Variants in SPAG16 observed in about 807,000 individuals in gnomAD.
SPAG16 encodes the protein sperm associated antigen 16, also known as sperm-associated antigen 16 protein.
SPAG16 carries 86 observed loss-of-function variants against 80.4 expected under a neutral mutation model. The observed-to-expected ratio is 1.07, with a 90% CI of 0.90 to 1.28. The LOEUF is 1.28. Ranked by LOEUF, SPAG16 falls within the 50% of genes most tolerant of loss-of-function variation. The probability of loss-of-function intolerance (pLI) is 0.00; values close to 1 mark genes in which losing one functional copy is unlikely to be tolerated. For synonymous variants in SPAG16, 294 were observed against 265.9 expected (o/e 1.11, Z -1.03); for missense variants, 870 against 765.3 (o/e 1.14, Z -1.61).
rs573591571 is a variant in SPAG16 at position 213,307,502 on chromosome 2, A to G, written c.280-2557A>G. On this transcript the variant is annotated intron_variant, in intron 3 of 15. Coordinates refer to ENST00000331683, the MANE Select transcript of SPAG16 (RefSeq NM_024532.5). ...TAGTTTACTGAGAATGATGATTTCCAATTTCATCCATGTCCCTACAAAGGA... is the reference window on the plus strand; with the variant it reads ...TAGTTTACTGAGAATGATGATTTCCGATTTCATCCATGTCCCTACAAAGGA... Among the ~76,000 whole-genome samples, 845 of 141,524 alleles carry G rather than the reference A, an allele frequency of 6.0e-3. 6 individuals are homozygous for G. Among genetic ancestry groups the G allele is most frequent in the Admixed American group, 9.6e-3 (134 of 13,912 alleles). The allele number at this position is 141,524 out of a possible 152,430, so 92.8% of individuals were successfully genotyped here. A position where few individuals can be genotyped will look rare whatever the true frequency, so the allele number is the denominator to read the frequency against.
At chr2:213,945,525 G>T (rs1270483289) in intron 12 of SPAG16, among the ~76,000 whole-genome samples, 1 of 152,000 alleles carries the variant, frequency 6.6e-6, no homozygotes, top group African/African-American at 2.4e-5. Context: ...GGCTAGGCCA[G>T]TCTCGACTTT....
intron 9 of SPAG16, among the ~76,000 whole-genome samples, chr2:213,437,213 C>A (rs2070698232): frequency 6.6e-6 from 1 of 152,164 alleles, no homozygotes; most frequent in Admixed American, 6.6e-5. Context: ...ATGAGAAACT[C>A]TTAGTCTTTA....
At chr2:214,397,654 T>C (rs1701475493) in intron 15 of SPAG16, among the ~76,000 whole-genome samples, 1 of 152,194 alleles carries the variant, frequency 6.6e-6, no homozygotes, top group Non-Finnish European at 1.5e-5. Flanking sequence ...TTGAGCTGAT[T>C]TATTGATAAA....
At chr2:214,305,551 A>G (rs1437363713) in intron 15 of SPAG16, among the ~76,000 whole-genome samples, 1 of 152,182 alleles carries the variant, frequency 6.6e-6, no homozygotes, top group Non-Finnish European at 1.5e-5. Context: ...ATTTTTGTAT[A>G]TACTATAAGG....
chr2:213,442,102 C>A (rs184730785), intron 9 of SPAG16, among the ~76,000 whole-genome samples: 3 of 152,134 alleles, frequency 2.0e-5, no homozygotes, highest in African/African-American at 4.8e-5. Flanking sequence ...GAGCCGAGAT[C>A]GCCCCACTGC....
chr2:214,316,536 C>A (rs6717618), intron 15 of SPAG16, among the ~76,000 whole-genome samples: 152,166 of 152,318 alleles, frequency 1, 76,007 homozygotes, highest in Middle Eastern at 1. Flanking sequence ...TATAAGGACC[C>A]GCGATGAAAG....
chr2:213,384,833 C>T (rs1559478543), intron 9 of SPAG16, among the ~76,000 whole-genome samples: 1 of 152,196 alleles, frequency 6.6e-6, no homozygotes, highest in Non-Finnish European at 1.5e-5. Context: ...TCCCATCTTT[C>T]AGCCCTTTAA....
At chr2:214,391,266 A>C (rs577361814) in intron 15 of SPAG16, among the ~76,000 whole-genome samples, 13 of 152,306 alleles carry the variant, frequency 8.5e-5, no homozygotes, top group African/African-American at 3.1e-4. Flanking sequence ...TTGAGCAGTA[A>C]ATTGGTTAAT....
At chr2:213,781,145 C>T (rs964460318) in intron 10 of SPAG16, among the ~76,000 whole-genome samples, 10 of 152,156 alleles carry the variant, frequency 6.6e-5, no homozygotes, top group Non-Finnish European at 1.5e-5. Flanking sequence ...GCATGTCTTC[C>T]TCTTGGTTCC....
At chr2:213,607,924 A>G (rs1559304191) in intron 10 of SPAG16, among the ~76,000 whole-genome samples, 2 of 152,168 alleles carry the variant, frequency 1.3e-5, no homozygotes, top group African/African-American at 4.8e-5. Context: ...TACTTGTTTA[A>G]TTTTGTGCTT....
At chr2:213,545,985 G>T (rs906559507) in intron 10 of SPAG16, among the ~76,000 whole-genome samples, 2 of 152,026 alleles carry the variant, frequency 1.3e-5, no homozygotes, top group Non-Finnish European at 2.9e-5. Flanking sequence ...TCTTTTTTTA[G>T]AATGTCATTT....
chr2:213,704,150 A>C (rs2065633761), intron 10 of SPAG16, among the ~76,000 whole-genome samples: 1 of 152,164 alleles, frequency 6.6e-6, no homozygotes, highest in Non-Finnish European at 1.5e-5. Context: ...ATAGAACAAT[A>C]TCTTATAACA....
At chr2:213,885,899 A>G (rs1165760102) in intron 11 of SPAG16, among the ~76,000 whole-genome samples, 3 of 152,186 alleles carry the variant, frequency 2.0e-5, no homozygotes, top group Non-Finnish European at 4.4e-5. Context: ...TGAATTACAT[A>G]TTTTTACAGG....
intron 10 of SPAG16, among the ~76,000 whole-genome samples, chr2:213,666,620 T>G (rs2063613465): frequency 6.6e-6 from 1 of 152,194 alleles, no homozygotes; most frequent in African/African-American, 2.4e-5. Context: ...TCACCCACTT[T>G]GATCTACAAA....
At chr2:213,317,151 T>C in intron 4 of SPAG16, 68 bp from the exon 5 acceptor site, 2 of 968,664 alleles carry the variant, frequency 2.1e-6, no homozygotes, top group Non-Finnish European at 3.1e-6. Context: ...ACTTTTTGAA[T>C]TGTACATAAA....
At chr2:214,035,391 C>T (rs570566908) in intron 13 of SPAG16, among the ~76,000 whole-genome samples, 26 of 152,332 alleles carry the variant, frequency 1.7e-4, no homozygotes, top group African/African-American at 2.4e-4. Flanking sequence ...CCATTCATGG[C>T]GCCCAGGCCA....
intron 15 of SPAG16, among the ~76,000 whole-genome samples, chr2:214,247,403 T>C (rs1689927167): frequency 6.6e-6 from 1 of 152,150 alleles, no homozygotes; most frequent in Non-Finnish European, 1.5e-5. Flanking sequence ...GTTAGGAGCC[T>C]CTCAAGGGAC....
chr2:213,464,101 G>A lies in SPAG16; in HGVS notation c.943-25862G>A, dbSNP rs144488020. On this transcript the variant is annotated intron_variant, in intron 9 of 15. Transcript: ENST00000331683. Reference sequence around the variant, plus strand: ...TTGTTTCCGTTCCTGCAGGAAATGGGCCAAAGAACTTACATGGTTAATCAA... The same window carrying A: ...TTGTTTCCGTTCCTGCAGGAAATGGACCAAAGAACTTACATGGTTAATCAA... Among the ~76,000 whole-genome samples the A allele has an allele frequency of 3.7e-3, 565 of 152,330 alleles. 9 individuals carry two copies. Among genetic ancestry groups the A allele is most frequent in the Middle Eastern group, 0.024 (7 of 294 alleles).
rs543230168 is a variant in SPAG16, at chr2:213,701,620, C to T, written c.1071-160865C>T. 1.1e-4 allele frequency among the ~76,000 whole-genome samples: 16 copies of T among 152,234 alleles called. 1 individual carries two copies. Among genetic ancestry groups the T allele is most frequent in the East Asian group, 7.8e-4 (4 of 5,156 alleles). On this transcript the variant is annotated intron_variant, in intron 10 of 15. Transcript: ENST00000331683. ...AGGGCTGAGGAGTGCAGGTGCGTGG[C>T]GCGGGACTGGTAGGCAGCTCCACCC...
Sources: gnomAD v4.1 joint callset for allele counts (sites outside exome capture counted in the v4.1 genomes callset) on GRCh38, gnomAD v4.1.1 for gene constraint, MANE v1.5 for transcripts, NCBI Gene and HGNC (gene_info 2026-07-23, HGNC 2026-07-21) for gene names.